RTEL1: variants seen among roughly 807,000 people sequenced by gnomAD.
The protein encoded by RTEL1 is regulator of telomere length.
Under a neutral mutation model 162.2 loss-of-function variants are expected in RTEL1, and 86 were observed. The ratio of observed to expected loss-of-function variants is 0.53; its 90% CI spans 0.45 to 0.63. RTEL1 has a LOEUF of 0.63. Among genes scored for constraint, RTEL1 ranks in the 30% least tolerant of loss-of-function variants. The probability of loss-of-function intolerance (pLI) is 0.00; values close to 1 mark genes in which losing one functional copy is unlikely to be tolerated. For synonymous variants in RTEL1, 958 were observed against 717.9 expected, an observed-to-expected ratio of 1.33 and a Z score of -5.35; for missense variants, 1,941 against 1,750.2, an observed-to-expected ratio of 1.11 and a Z score of -1.95.
At chr20:63,659,751 G>A (rs1015211302) in intron 2 of RTEL1, among the ~76,000 whole-genome samples, 1 of 152,228 alleles carries the variant, frequency 6.6e-6, no homozygotes, top group African/African-American at 2.4e-5. Context: ...GAGAGACTGA[G>A]AAAATGAATA....
chr20:63,667,053 A>G (rs560861409), intron 7 of RTEL1, among the ~76,000 whole-genome samples: 127 of 147,616 alleles, frequency 8.6e-4, no homozygotes, highest in African/African-American at 2.8e-3. Context: ...GTTAGCCAGG[A>G]TGGTCTCGAT....
chr20:63,692,777 G>C, intron 28 of RTEL1, 28 bp from the exon 29 acceptor site: 1 of 1,597,754 alleles, frequency 6.3e-7, no homozygotes, highest in Non-Finnish European at 8.6e-7. Context: ...GGCTGGCCCT[G>C]ATGGAGCCTC....
In RTEL1 at chr20:63,688,091, G is replaced by T. The variant is rs775938041; in HGVS notation, c.1595+41G>T. On this transcript the variant is annotated intron_variant, in intron 18 of 34. Coordinates refer to ENST00000360203, the MANE Select transcript of RTEL1 (RefSeq NM_001283009.2). ...TGGGCCCTGCTGGGGTGGGAGGTGG[G>T]GGAGCACTGAGGCCTGAGGTCCTGA... The T allele has an allele frequency of 1.9e-6, 3 of 1,612,112 alleles. No individual in the cohort carries two copies. In the South Asian group the frequency reaches 3.3e-5, roughly 18 times the overall value.
At chr20:63,694,277 T>G in intron 30 of RTEL1, 95 bp from the exon 31 acceptor site, 1 of 1,101,614 alleles carries the variant, frequency 9.1e-7, no homozygotes, top group Non-Finnish European at 1.4e-6. Context: ...CTGAGGTGGG[T>G]GAGGCCTGGC....
intron 30 of RTEL1, 141 bp downstream of exon 30, chr20:63,693,424 C>A (rs982920485): frequency 7.7e-6 from 7 of 910,464 alleles, no homozygotes; most frequent in African/African-American, 1.7e-5. Flanking sequence ...ATGGGGGCCT[C>A]CACCTCCACC....
chr20:63,681,138 C>T, intron 14 of RTEL1: 1 of 985,424 alleles, frequency 1.0e-6, no homozygotes, highest in Non-Finnish European at 1.2e-6. Flanking sequence ...CCTGCAGGTT[C>T]CCGGCAGGGG....
rs770176219 is a variant in RTEL1, at chr20:63,689,106, A to G, written c.1852A>G (p.Thr618Ala). Residue 618 changes from threonine to alanine, a missense_variant, in exon 22 of 35, where the codon ACC becomes GCC. Thr to Ala is a moderately conservative substitution (Grantham distance 58). Transcript: ENST00000360203. Reference sequence around the variant, plus strand: ...TGCCGCCCCTGGGTCCACCGGCGCCACCTTCCTGGCGGTCTGCCGGGGCAA... The same window carrying G: ...TGCCGCCCCTGGGTCCACCGGCGCCGCCTTCCTGGCGGTCTGCCGGGGCAA... ...RVAAPGSTGA[T>A]FLAVCRGKAS... 5.6e-6 allele frequency: 9 copies of G among 1,609,970 alleles called. No homozygotes were observed. Among genetic ancestry groups the G allele is most frequent in the African/African-American group, 1.3e-5 (1 of 74,844 alleles).
At chr20:63,676,499 C>T (rs2090351882) in intron 10 of RTEL1, among the ~76,000 whole-genome samples, 1 of 152,142 alleles carries the variant, frequency 6.6e-6, no homozygotes. Context: ...TGCTGAACAC[C>T]TGAATATGTT....
intron 27 of RTEL1, 144 bp downstream of exon 27, chr20:63,691,091 C>G: frequency 1.1e-6 from 1 of 913,998 alleles, no homozygotes; most frequent in East Asian, 2.7e-5. Flanking sequence ...GGCGGGGGAT[C>G]CCAGCTGCCT....
At position 63,688,567 on chromosome 20, in the gene RTEL1, CTGTT is replaced by C; in HGVS notation, c.1766_1769del (p.Phe589TrpfsTer52). 6.2e-7 allele frequency: 1 copy of C among 1,610,686 alleles called. No individual in the cohort carries two copies. The highest frequency in any genetic ancestry group is 8.5e-7 in the Non-Finnish European group (1 of 1,179,546). The stretch of plus-strand genomic sequence containing the variant: ...CAGGAAGATGGAGGCGCTGAAGCCG[CTGTT>C]TGTGGAGCCCAGGAGCAAAGGCAGC... On this transcript the variant is annotated frameshift_variant, in exon 21 of 35. Coordinates refer to ENST00000360203, the MANE Select transcript of RTEL1 (RefSeq NM_001283009.2). LOFTEE classifies it high-confidence loss of function.
chr20:63,690,348 G>A lies in RTEL1; in HGVS notation c.2320G>A (p.Val774Ile), dbSNP rs1245776000. ...ACCCAGTGTGCGTGGAGAAGATGCT[G>A]TCAGCGAGGCCAAGTCGCCTGGCCC... is the stretch of plus-strand genomic sequence containing the variant. ...TAPSVRGEDA[V>I]SEAKSPGPFF... The change falls in exon 26 of 35, where the codon GTC (valine) becomes ATC (isoleucine). Residue 774 changes from valine (V) to isoleucine (I), a missense_variant. Coordinates refer to ENST00000360203, the MANE Select transcript of RTEL1 (RefSeq NM_001283009.2). 6.2e-7 allele frequency: 1 copy of A among 1,611,630 alleles called. No individual in the cohort carries two copies. Among genetic ancestry groups the A allele is most frequent in the Non-Finnish European group, 8.5e-7 (1 of 1,179,388 alleles).
At chr20:63,659,660 G>C (rs143016591) in intron 2 of RTEL1, among the ~76,000 whole-genome samples, 156 bp downstream of exon 2, 1 of 152,352 alleles carries the variant, frequency 6.6e-6, no homozygotes, top group African/African-American at 2.4e-5. Context: ...GGGTCAGAGA[G>C]AGGATTGACA....
intron 8 of RTEL1, among the ~76,000 whole-genome samples, chr20:63,672,346 C>T (rs940051766): frequency 6.6e-6 from 1 of 152,204 alleles, no homozygotes; most frequent in Non-Finnish European, 1.5e-5. Context: ...CCTTTCCATG[C>T]TGTGGAGGAG....
intron 24 of RTEL1, 44 bp downstream of exon 24, chr20:63,689,909 C>A: frequency 1.3e-6 from 2 of 1,565,360 alleles, no homozygotes; most frequent in Non-Finnish European, 1.7e-6. Context: ...GGGACACGCC[C>A]ACACCCCACT....
chr20:63,682,462 C>A, intron 14 of RTEL1: 1 of 985,740 alleles, frequency 1.0e-6, no homozygotes, highest in Non-Finnish European at 1.2e-6. Flanking sequence ...TGGAACGTGG[C>A]CTCCCAGGCC....
Position 63,678,223 on chromosome 20 carries a change from GCCTCCTCCTTGCGAGGAGGTGGGTGACA to G in RTEL1, c.959-37_959-10del. The G allele has an allele frequency of 6.2e-7, 1 of 1,612,852 alleles. No individual in the cohort carries two copies. The highest frequency in any genetic ancestry group is 8.5e-7 in the Non-Finnish European group (1 of 1,179,058). On this transcript the variant is annotated splice_polypyrimidine_tract_variant and intron_variant, in intron 11 of 34. Transcript: ENST00000360203. Reference sequence around the variant, plus strand: ...CCCCGCCTCCTTGCAGCTGGGTGGGGCCTCCTCCTTGCGAGGAGGTGGGTGACACCTCCTCGACCCACAGTGATCCTGC... The same window carrying G: ...CCCCGCCTCCTTGCAGCTGGGTGGGGCCTCCTCGACCCACAGTGATCCTGC...
Position 63,689,473 on chromosome 20 carries a change from C to T in RTEL1, c.1879-29C>T, listed in dbSNP as rs760265068. ...CACCAGGGAGAGGAGCCCCCACGGC[C>T]CCAGGCAGCTCCCTGGTGTGTCCCC... is the stretch of plus-strand genomic sequence containing the variant. On this transcript the variant is annotated intron_variant, in intron 22 of 34. Coordinates refer to ENST00000360203, the MANE Select transcript of RTEL1 (RefSeq NM_001283009.2). 11 of 1,522,112 alleles carry T rather than the reference C, an allele frequency of 7.2e-6. No individual in the cohort carries two copies. The South Asian group carries it at 1.0e-4, about 14-fold the overall frequency. 94.3% of individuals were successfully genotyped at this position (1,522,112 alleles called of 1,614,324 possible).
intron 21 of RTEL1, 147 bp from the exon 22 acceptor site, chr20:63,688,908 C>A: frequency 2.6e-6 from 2 of 767,110 alleles, no homozygotes; most frequent in Non-Finnish European, 2.2e-6. Context: ...GCCTGGGATC[C>A]GTGCCAGGAA....
intron 6 of RTEL1, among the ~76,000 whole-genome samples, chr20:63,664,367 G>A (rs1307118390): frequency 2.0e-5 from 3 of 152,222 alleles, no homozygotes; most frequent in Admixed American, 6.5e-5. Context: ...CTGGCCGGCC[G>A]TGGTCCTGGA....
Sources: gnomAD v4.1 joint callset for allele counts (sites outside exome capture counted in the v4.1 genomes callset) on GRCh38, gnomAD v4.1.1 for gene constraint, MANE v1.5 for transcripts, NCBI Gene and HGNC (gene_info 2026-07-23, HGNC 2026-07-21) for gene names.